Variants in ADCY9 observed in about 807,000 individuals in gnomAD.
ADCY9 encodes adenylate cyclase 9, also known as adenylate cyclase type 9.
ADCY9 carries 50 observed loss-of-function variants against 101.5 expected under a neutral mutation model. The ratio of observed to expected loss-of-function variants is 0.49; its 90% confidence interval spans 0.39 to 0.62. ADCY9 has a LOEUF of 0.62. Ranked by LOEUF, ADCY9 falls within the 20% of genes least tolerant of loss-of-function variation. ADCY9 has a pLI of 0.00. For synonymous variants in ADCY9, 905 were observed against 769.3 expected (o/e 1.18, Z -2.92); for missense variants, 1,662 against 1,800.4 (o/e 0.92, Z 1.39).
At chr16:3,968,320 C>T (rs145904462) in intron 10 of ADCY9, among the ~76,000 whole-genome samples, 1,770 of 151,880 alleles carry the variant, frequency 0.012, 25 homozygotes, top group African/African-American at 0.041. Context: ...TTAGTAGAGA[C>T]GGGGTTTCTC....
At chr16:4,091,354 G>A (rs1231526242) in intron 2 of ADCY9, among the ~76,000 whole-genome samples, 3 of 152,204 alleles carry the variant, frequency 2.0e-5, no homozygotes, top group Non-Finnish European at 2.9e-5. Flanking sequence ...GATTACAGGC[G>A]TGAGCCACTG....
At chr16:3,988,939 A>G (rs2141698387) in intron 6 of ADCY9, 55 bp downstream of exon 6, 1 of 1,348,178 alleles carries the variant, frequency 7.4e-7, no homozygotes, top group Non-Finnish European at 1.1e-6. Context: ...GTGAATGACC[A>G]TGTGAGAACA....
intron 2 of ADCY9, among the ~76,000 whole-genome samples, chr16:4,035,354 T>C (rs1417940951): frequency 6.6e-6 from 1 of 152,220 alleles, no homozygotes; most frequent in African/African-American, 2.4e-5. Context: ...TATATCTTAA[T>C]AATTACTTAA....
intron 5 of ADCY9, among the ~76,000 whole-genome samples, chr16:3,956,256 A>G (rs2055905617): frequency 6.6e-6 from 1 of 152,064 alleles, no homozygotes; most frequent in Admixed American, 6.6e-5. Context: ...CTCAAATTAT[A>G]TTCTATGATA....
intron 2 of ADCY9, among the ~76,000 whole-genome samples, chr16:4,036,471 T>G (rs1332214215): frequency 1.4e-5 from 2 of 139,260 alleles, no homozygotes; most frequent in East Asian, 2.0e-4. Context: ...TGTTTTTTTT[T>G]TTTTTTTTTT....
At chr16:4,004,965 T>C (rs928647699) in intron 3 of ADCY9, among the ~76,000 whole-genome samples, 1 of 152,114 alleles carries the variant, frequency 6.6e-6, no homozygotes, top group African/African-American at 2.4e-5. Flanking sequence ...TTCTCTAATG[T>C]ATTGGTCCTT....
chr16:4,105,116 A>G (rs1340617320), intron 2 of ADCY9, among the ~76,000 whole-genome samples: 2 of 152,164 alleles, frequency 1.3e-5, no homozygotes, highest in African/African-American at 4.8e-5. Flanking sequence ...CCAGACATTA[A>G]AGAGATTTGC....
intron 2 of ADCY9, among the ~76,000 whole-genome samples, chr16:4,077,169 C>T (rs1163357473): frequency 6.6e-6 from 1 of 152,096 alleles, no homozygotes. Context: ...AAGATGAGGC[C>T]AACTGTAAGC....
intron 2 of ADCY9, among the ~76,000 whole-genome samples, chr16:4,085,349 A>G (rs8044213): frequency 0.52 from 78,297 of 151,914 alleles, 20,861 homozygotes; most frequent in African/African-American, 0.63. Context: ...GCGACAGAGC[A>G]AGACTCTGCC....
In ADCY9 at chr16:4,045,779, G is replaced by C. The variant is rs113688881; in HGVS notation, c.1694-38221C>G. ...AGTGGCGCGATCTTGGCTCACTGCAGCCTCGACCTCCTTGGCTCAAGTGAT... is the reference window on the plus strand; with the variant it reads ...AGTGGCGCGATCTTGGCTCACTGCACCCTCGACCTCCTTGGCTCAAGTGAT... On this transcript the variant is annotated intron_variant, in intron 2 of 10. Coordinates refer to ENST00000294016, the MANE Select transcript of ADCY9 (RefSeq NM_001116.4). Among the ~76,000 whole-genome samples the C allele has an allele frequency of 7.6e-3, 1,149 of 151,410 alleles. 8 individuals carry two copies. Among genetic ancestry groups the C allele is most frequent in the Non-Finnish European group, 0.013 (871 of 67,856 alleles).
intron 2 of ADCY9, among the ~76,000 whole-genome samples, chr16:4,081,642 A>ATCCTG (rs1487798520): frequency 6.6e-6 from 1 of 151,978 alleles, no homozygotes; most frequent in African/African-American, 2.4e-5. Flanking sequence ...TCTTCCTTTC[A>ATCCTG]TCCTGACACC....
At chr16:3,954,373 A>T (rs1208772779) in intron 5 of ADCY9, among the ~76,000 whole-genome samples, 1 of 152,086 alleles carries the variant, frequency 6.6e-6, no homozygotes, top group Non-Finnish European at 1.5e-5. Context: ...TGGGCCCCAC[A>T]CTGGTCTGAG....
chr16:4,027,901 C>G (rs546587805), intron 2 of ADCY9, among the ~76,000 whole-genome samples: 2 of 151,036 alleles, frequency 1.3e-5, no homozygotes, highest in African/African-American at 4.9e-5. Context: ...AGAAAAAAAA[C>G]CCATCAGATC....
At chr16:3,988,799 TAAAG>T (rs968594515) in intron 6 of ADCY9, among the ~76,000 whole-genome samples, 191 bp downstream of exon 6, 2 of 152,198 alleles carry the variant, frequency 1.3e-5, no homozygotes, top group African/African-American at 2.4e-5. Context: ...GACAAAGGAC[TAAAG>T]AAAGGGTTTT....
chr16:4,000,066 A>C (rs1295794513), intron 3 of ADCY9, among the ~76,000 whole-genome samples: 1 of 152,228 alleles, frequency 6.6e-6, no homozygotes, highest in Non-Finnish European at 1.5e-5. Flanking sequence ...ACTGTTTTGC[A>C]AGATGTCGTG....
intron 7 of ADCY9, 136 bp from the exon 8 acceptor site, chr16:3,979,411 C>A (rs954000904): frequency 2.9e-6 from 3 of 1,034,390 alleles, no homozygotes; most frequent in Non-Finnish European, 4.2e-6. Context: ...TGAGAGCAGG[C>A]GTGGGGTGGG....
At chr16:3,955,756 G>A (rs962075623) in intron 5 of ADCY9, among the ~76,000 whole-genome samples, 2 of 151,938 alleles carry the variant, frequency 1.3e-5, no homozygotes, top group East Asian at 1.9e-4. Flanking sequence ...TCACCATATT[G>A]GCCAGGCTGG....
rs1011387266 is a variant in ADCY9 at position 4,114,568 on chromosome 16, T to C, written c.875A>G (p.His292Arg). 1 of 1,613,914 alleles carries C rather than the reference T, an allele frequency of 6.2e-7. No individual in the cohort carries two copies. The highest frequency in any genetic ancestry group is 1.3e-5 in the African/African-American group (1 of 74,922). ...GACGAACAGGTGGACCCCGATGGCG[T>C]GGATGCAGCCGTGGAGCAGCCCCCT... ...LSRGLLHGCI[H>R]AIGVHLFVMS... The change falls in exon 2 of 11, where the codon CAC becomes CGC. Residue 292 changes from histidine (H) to arginine (R), a missense_variant. This residue lies in a region of ADCY9 where 422 missense variants were observed against 392.0 expected (regional missense o/e 1.08). Coordinates refer to ENST00000294016, the MANE Select transcript of ADCY9 (RefSeq NM_001116.4). This position sits in a 1 kb window ranked among gnomAD's most constrained non-coding sequence, Gnocchi z 4.3.
intron 2 of ADCY9, among the ~76,000 whole-genome samples, chr16:4,048,534 C>T (rs2056680541): frequency 1.3e-5 from 2 of 152,170 alleles, no homozygotes; most frequent in Admixed American, 1.3e-4. Flanking sequence ...TAACATAGCC[C>T]TACAACTCCT....
Sources: gnomAD v4.1 joint callset for allele counts (sites outside exome capture counted in the v4.1 genomes callset) on GRCh38, gnomAD v4.1.1 for gene constraint, gnomAD v4.1.1 regional missense constraint, Gnocchi (gnomAD v3.1) non-coding constraint, MANE v1.5 for transcripts, NCBI Gene and HGNC (gene_info 2026-07-23, HGNC 2026-07-21) for gene names.